PPARG: variants seen among roughly 807,000 people sequenced by gnomAD.
PPARG encodes the protein peroxisome proliferator activated receptor gamma.
PPARG carries 17 observed loss-of-function variants against 39.2 expected under a neutral mutation model. The ratio of observed to expected loss-of-function variants is 0.43; its 90% CI spans 0.30 to 0.65. The LOEUF is 0.65. Ranked by LOEUF, PPARG falls within the 30% of genes least tolerant of loss-of-function variation. The probability of loss-of-function intolerance (pLI) is 0.13; values close to 1 mark genes in which losing one functional copy is unlikely to be tolerated. For missense variants in PPARG, 406 were observed against 585.9 expected, an observed-to-expected ratio of 0.69 and a Z score of 3.17; for synonymous variants, 223 against 215.7, an observed-to-expected ratio of 1.03 and a Z score of -0.30.
At chr3:12,413,707 C>CT (rs1024017593) in intron 6 of PPARG, among the ~76,000 whole-genome samples, 1 of 151,150 alleles carries the variant, frequency 6.6e-6, no homozygotes, top group African/African-American at 2.4e-5. Context: ...GTAATCCCAG[C>CT]TACTCTGGAG....
chr3:12,347,689 G>T (rs1212962940), intron 2 of PPARG, among the ~76,000 whole-genome samples: 1 of 152,164 alleles, frequency 6.6e-6, no homozygotes, highest in Admixed American at 6.5e-5. Flanking sequence ...GCATCATCCA[G>T]AAATTTACAT....
chr3:12,360,153 T>A (rs563762786), intron 2 of PPARG, among the ~76,000 whole-genome samples: 35 of 152,196 alleles, frequency 2.3e-4, no homozygotes, highest in Non-Finnish European at 4.7e-4. Flanking sequence ...TTTAATACAG[T>A]TTTTCTCTTC....
intron 2 of PPARG, among the ~76,000 whole-genome samples, chr3:12,362,369 A>C (rs2048874109): frequency 6.6e-6 from 1 of 151,990 alleles, no homozygotes; most frequent in South Asian, 2.1e-4. Context: ...AATACGAAAA[A>C]TTAGCCAGGC....
chr3:12,420,523 C>G (rs2051225044), intron 7 of PPARG, among the ~76,000 whole-genome samples: 1 of 152,202 alleles, frequency 6.6e-6, no homozygotes, highest in Non-Finnish European at 1.5e-5. Flanking sequence ...TGGCCTCATT[C>G]TGAGCTGGCT....
At chr3:12,415,022 C>T (rs2051009400) in intron 6 of PPARG, among the ~76,000 whole-genome samples, 1 of 152,194 alleles carries the variant, frequency 6.6e-6, no homozygotes, top group Non-Finnish European at 1.5e-5. Flanking sequence ...TGATGAAAAT[C>T]ATAGAGTTCC....
intron 7 of PPARG, among the ~76,000 whole-genome samples, chr3:12,432,954 G>T (rs1257300825): frequency 6.6e-6 from 1 of 151,300 alleles, no homozygotes; most frequent in Non-Finnish European, 1.5e-5. Context: ...AGTAATTTAA[G>T]TTCACCATTT....
chr3:12,349,491 G>T (rs1370571054), intron 2 of PPARG, among the ~76,000 whole-genome samples: 2 of 152,186 alleles, frequency 1.3e-5, no homozygotes, highest in Non-Finnish European at 2.9e-5. Context: ...GTTTGTGTAT[G>T]CTGCCAAAAG....
chr3:12,340,802 C>A (rs951911442), intron 2 of PPARG, among the ~76,000 whole-genome samples: 2 of 152,158 alleles, frequency 1.3e-5, no homozygotes, highest in Non-Finnish European at 1.5e-5. Flanking sequence ...CTGCTAAACA[C>A]TGAAAATCTG....
At chr3:12,307,439 T>C (rs933570369) in intron 1 of PPARG, among the ~76,000 whole-genome samples, 9 of 152,184 alleles carry the variant, frequency 5.9e-5, no homozygotes, top group Non-Finnish European at 1.0e-4. Flanking sequence ...AGTACAATAA[T>C]CCCTTCCCCT....
intron 1 of PPARG, among the ~76,000 whole-genome samples, chr3:12,290,869 A>C (rs1023571258): frequency 1.3e-5 from 2 of 152,208 alleles, no homozygotes; most frequent in East Asian, 3.8e-4. Context: ...AGAGGCTTTC[A>C]TGAAGTAGGA....
chr3:12,391,875 A>G (rs917456077), intron 4 of PPARG, among the ~76,000 whole-genome samples: 2 of 152,240 alleles, frequency 1.3e-5, no homozygotes, highest in African/African-American at 4.8e-5. Context: ...AACCCAAAAA[A>G]TGGAGTCAGA....
At chr3:12,428,239 T>C (rs1226810014) in intron 7 of PPARG, among the ~76,000 whole-genome samples, 1 of 152,232 alleles carries the variant, frequency 6.6e-6, no homozygotes, top group Non-Finnish European at 1.5e-5. Context: ...CTTTGTAGAT[T>C]TGCCCATAAT....
chr3:12,357,110 C>G (rs2048690852), intron 2 of PPARG, among the ~76,000 whole-genome samples: 1 of 152,128 alleles, frequency 6.6e-6, no homozygotes, highest in Non-Finnish European at 1.5e-5. Flanking sequence ...AGCTTCCATC[C>G]TAACCTCACA....
chr3:12,385,179 G>T (rs1309838268), intron 4 of PPARG, among the ~76,000 whole-genome samples: 1 of 152,166 alleles, frequency 6.6e-6, no homozygotes, highest in Non-Finnish European at 1.5e-5. Context: ...AGGTGTTTTG[G>T]AAGCTTCACA....
chr3:12,409,342 C>T (rs555035172), intron 6 of PPARG, among the ~76,000 whole-genome samples: 2 of 152,146 alleles, frequency 1.3e-5, no homozygotes, highest in East Asian at 3.9e-4. Context: ...TGTTTGGCAC[C>T]CTCTCTTCTC....
chr3:12,431,363 A>C (rs1161328716), intron 7 of PPARG, among the ~76,000 whole-genome samples: 1 of 152,224 alleles, frequency 6.6e-6, no homozygotes, highest in East Asian at 1.9e-4. Flanking sequence ...GATGAAACCA[A>C]AGTGGCACTA....
chr3:12,425,778 C>T (rs761371809), intron 7 of PPARG, among the ~76,000 whole-genome samples: 33 of 152,134 alleles, frequency 2.2e-4, no homozygotes, highest in South Asian at 6.2e-4. Flanking sequence ...CATGGCTGGA[C>T]GTAAATTGAG....
At chr3:12,402,112 G>A (rs532342841) in intron 5 of PPARG, among the ~76,000 whole-genome samples, 93 of 152,196 alleles carry the variant, frequency 6.1e-4, no homozygotes, top group African/African-American at 2.2e-3. Flanking sequence ...TATGATTATA[G>A]CCTCTTACCT....
At chr3:12,411,263 T>A (rs2050870725) in intron 6 of PPARG, among the ~76,000 whole-genome samples, 1 of 152,146 alleles carries the variant, frequency 6.6e-6, no homozygotes, top group Non-Finnish European at 1.5e-5. Flanking sequence ...TGAGTAACTC[T>A]TTGGCTGGCA....
Sources: gnomAD v4.1 joint callset for allele counts (sites outside exome capture counted in the v4.1 genomes callset) on GRCh38, gnomAD v4.1.1 for gene constraint, MANE v1.5 for transcripts, NCBI Gene and HGNC (gene_info 2026-07-23, HGNC 2026-07-21) for gene names.